The following CEP250 variants were observed in gnomAD, a reference collection of about 807,000 sequenced individuals.
CEP250 encodes centrosome-associated protein CEP250.
Under a neutral mutation model 315.7 loss-of-function variants are expected in CEP250, and 242 were observed. The ratio of observed to expected loss-of-function variants is 0.77; its 90% CI spans 0.69 to 0.85. CEP250 has a LOEUF of 0.85. CEP250 is among the 40% of genes least tolerant of loss of function. The pLI, the probability that CEP250 is intolerant of heterozygous loss-of-function variation, is 0.00. For synonymous variants in CEP250, 1,088 were observed against 1,175.0 expected, an observed-to-expected ratio of 0.93 and a Z score of 1.51; for missense variants, 2,515 against 2,886.4, an observed-to-expected ratio of 0.87 and a Z score of 2.95.
At chr20:35,490,863 ACTTC>A in intron 21 of CEP250, 59 bp downstream of exon 21, 1 of 1,575,082 alleles carries the variant, frequency 6.3e-7, no homozygotes, top group Admixed American at 1.8e-5. Flanking sequence ...TACCTTGACC[ACTTC>A]CTTTTCTACT....
Position 35,496,563 on chromosome 20 carries a change from C to T in CEP250, c.3168-14C>T. ...TAAGAGAATGGCCCAGCACTCTGAC[C>T]CCTCTCTTTTTAGCCTGACTCTCTC... On this transcript the variant is annotated splice_polypyrimidine_tract_variant and intron_variant, in intron 24 of 34. Coordinates refer to ENST00000397527, the MANE Select transcript of CEP250 (RefSeq NM_007186.6). The T allele has an allele frequency of 6.2e-7, 1 of 1,612,136 alleles. No homozygotes were observed.
At chr20:35,478,243 T>C (rs1057207657) in intron 17 of CEP250, 142 bp downstream of exon 17, 8 of 657,896 alleles carry the variant, frequency 1.2e-5, no homozygotes, top group Non-Finnish European at 2.1e-5. Flanking sequence ...GCAGTATATC[T>C]TCCAATTTTA....
rs76891244 is a variant in CEP250, at chr20:35,504,676, C to G, written c.6307C>G (p.Leu2103Val). 179 of 1,614,172 alleles carry G rather than the reference C, an allele frequency of 1.1e-4. No homozygotes were observed. Among genetic ancestry groups the G allele is most frequent in the Non-Finnish European group, 1.4e-4 (169 of 1,180,026 alleles). ...HQSVRELQLT[L>V]AQKEQEILEL... ...GAGTGTAAGGGAGCTACAGCTGACTCTAGCCCAAAAGGAACAGGAGATTCT... is the reference window on the plus strand; with the variant it reads ...GAGTGTAAGGGAGCTACAGCTGACTGTAGCCCAAAAGGAACAGGAGATTCT... The change falls in exon 30 of 35, where the codon CTA (leucine) becomes GTA (valine). Residue 2103 changes from leucine to valine, a missense_variant. Leu to Val is a conservative substitution (Grantham distance 32). Transcript: ENST00000397527.
intron 20 of CEP250, among the ~76,000 whole-genome samples, chr20:35,487,453 G>C (rs139415356): frequency 1.3e-5 from 2 of 151,904 alleles, no homozygotes; most frequent in Non-Finnish European, 2.9e-5. Flanking sequence ...CTGGGCAACA[G>C]AGTGAGACTC....
intron 16 of CEP250, 103 bp from the exon 17 acceptor site, chr20:35,477,768 G>A (rs2063214529): frequency 2.2e-6 from 2 of 905,044 alleles, no homozygotes; most frequent in Non-Finnish European, 3.4e-6. Context: ...TTCATCTTTG[G>A]AGAATAGATT....
At position 35,504,093 on chromosome 20, in the gene CEP250, G is replaced by A; in HGVS notation, c.5724G>A (p.Gln1908=). The A allele has an allele frequency of 6.2e-7, 1 of 1,610,664 alleles. No individual in the cohort carries two copies. The highest frequency in any genetic ancestry group is 1.3e-5 in the African/African-American group (1 of 74,938). The change falls in exon 30 of 35, where the codon CAG becomes CAA. Residue 1908 remains glutamine, a synonymous_variant. Coordinates refer to ENST00000397527, the MANE Select transcript of CEP250 (RefSeq NM_007186.6). ...AGAAAGCTCTGTTGGCCCTCCAGCA[G>A]CAGTGTGCTGAGCAGGCACAGGAGC... ...EQEKALLALQ[Q]QCAEQAQEHE...
intron 9 of CEP250, among the ~76,000 whole-genome samples, chr20:35,467,934 AT>A (rs2062928203): frequency 6.9e-6 from 1 of 145,106 alleles, no homozygotes; most frequent in East Asian, 2.0e-4. Context: ...CATAGTTCAA[AT>A]ATTACCTCTT....
Position 35,504,082 on chromosome 20 carries a change from G to A in CEP250, c.5713G>A (p.Ala1905Thr), listed in dbSNP as rs1178488619. 1 of 1,608,202 alleles carries A rather than the reference G, an allele frequency of 6.2e-7. No individual in the cohort carries two copies. Among genetic ancestry groups the A allele is most frequent in the African/African-American group, 1.3e-5 (1 of 74,844 alleles). Residue 1905 changes from alanine (A) to threonine (T), a missense_variant, in exon 30 of 35, where the codon GCC (alanine) becomes ACC (threonine). By Grantham distance (58) the Ala-to-Thr change is moderately conservative. Coordinates refer to ENST00000397527, the MANE Select transcript of CEP250 (RefSeq NM_007186.6). ...TCGGGAACAGGAGAAAGCTCTGTTG[G>A]CCCTCCAGCAGCAGTGTGCTGAGCA... ...ESREQEKALL[A>T]LQQQCAEQAQ...
At chr20:35,508,272 T>G in intron 32 of CEP250, 82 bp downstream of exon 32, 1 of 1,453,094 alleles carries the variant, frequency 6.9e-7, no homozygotes, top group Non-Finnish European at 9.4e-7. Flanking sequence ...AATTACAGCC[T>G]GTGGGCCAAA....
At chr20:35,459,663 C>T (rs983365724) in intron 2 of CEP250, among the ~76,000 whole-genome samples, 19 of 151,432 alleles carry the variant, frequency 1.3e-4, no homozygotes, top group African/African-American at 4.6e-4. Flanking sequence ...ACATCTTCAG[C>T]TCCTCTGAAG....
intron 27 of CEP250, 29 bp from the exon 28 acceptor site, chr20:35,500,020 C>A: frequency 6.2e-7 from 1 of 1,613,502 alleles, no homozygotes; most frequent in South Asian, 1.1e-5. Flanking sequence ...ATGAGGAACT[C>A]ACGTTTAGCC....
rs572137274 is a variant in CEP250, at chr20:35,460,525, C to T, written c.-104+420C>T. ...GCACTATACAACTGTGCAGAGCACA[C>T]GCCCTGTCTAAAGGAGACAGGCGCT... On this transcript the variant is annotated intron_variant, in intron 3 of 34. Transcript: ENST00000397527. Among the ~76,000 whole-genome samples, 10 of 152,152 alleles carry T rather than the reference C, an allele frequency of 6.6e-5. No individual in the cohort carries two copies. In the South Asian group the frequency reaches 1.9e-3, roughly 28 times the overall value.
chr20:35,511,392 G>A lies in CEP250; in HGVS notation c.7095G>A (p.Leu2365=). 3 of 1,610,916 alleles carry A rather than the reference G, an allele frequency of 1.9e-6. No homozygotes were observed. Among genetic ancestry groups the A allele is most frequent in the Non-Finnish European group, 2.5e-6 (3 of 1,178,022 alleles). ...TCCTGCTGCAAGCTCAGCTGACTTT[G>A]GAGCGGAAGCAGAAGCAGGACTACA... ...EVVLLQAQLT[L]ERKQKQDYIT... is the part of the protein sequence containing the mutation. Residue 2365 remains leucine (L), a synonymous_variant, in exon 35 of 35, where the codon TTG becomes TTA. Transcript: ENST00000397527.
intron 20 of CEP250, among the ~76,000 whole-genome samples, chr20:35,482,783 A>G (rs897709578): frequency 6.2e-5 from 9 of 146,140 alleles, no homozygotes; most frequent in Non-Finnish European, 1.1e-4. Flanking sequence ...GCTGGTCTCA[A>G]ACTCCTGGGC....
At chr20:35,455,494 A>G (rs1464348105), upstream of CEP250, 1 of 152,276 alleles carries the variant, frequency 6.6e-6, no homozygotes. Context: ...CGTGTCCAGT[A>G]GCCGCAATCC....
intron 1 of CEP250, among the ~76,000 whole-genome samples, chr20:35,457,173 A>G (rs1483258328): frequency 1.3e-5 from 2 of 152,170 alleles, no homozygotes; most frequent in Non-Finnish European, 2.9e-5. Context: ...ATGTCCTATA[A>G]TAGTCAGTAA....
In CEP250 at chr20:35,503,900, A is replaced by G. The variant is rs777012903; in HGVS notation, c.5531A>G (p.Gln1844Arg). ...GTGAAGGAAAAGGCAGACGCCCTCC[A>G]GGGAGCTCTGGAGCAAGCCCATATG... ...ERVKEKADALQGALEQAHMTL... is the reference protein window; with the variant it reads ...ERVKEKADALRGALEQAHMTL... Residue 1844 changes from glutamine to arginine, a missense_variant, in exon 30 of 35, where the codon CAG becomes CGG. Gln to Arg is a conservative substitution (Grantham distance 43, BLOSUM62 1). Transcript: ENST00000397527. The surrounding 1 kb of genome is among the most constrained non-coding windows in gnomAD (Gnocchi z 4.2). The G allele has an allele frequency of 5.0e-6, 8 of 1,613,850 alleles. No individual in the cohort carries two copies. In the Admixed American group the frequency reaches 1.0e-4, roughly 20 times the overall value.
chr20:35,470,673 A>C (rs1040947153), intron 10 of CEP250, among the ~76,000 whole-genome samples: 2 of 152,198 alleles, frequency 1.3e-5, no homozygotes, highest in African/African-American at 4.8e-5. Context: ...GAATCACTTG[A>C]ACCTGGGAGG....
At position 35,469,961 on chromosome 20, in the gene CEP250, C is replaced by T. The variant is rs2062983925; in HGVS notation, c.923C>T (p.Ala308Val). 1.2e-6 allele frequency: 2 copies of T among 1,613,330 alleles called. No individual in the cohort carries two copies. Among genetic ancestry groups the T allele is most frequent in the Non-Finnish European group, 8.5e-7 (1 of 1,179,424 alleles). ...QNEDYEKMIKALRETVEILET... is the reference protein window; with the variant it reads ...QNEDYEKMIKVLRETVEILET... ...GAAGATTATGAAAAGATGATAAAGG[C>T]TCTGAGAGAGACAGTGGAGATCCTG... The change falls in exon 10 of 35, where the codon GCT becomes GTT. Residue 308 changes from alanine to valine, a missense_variant. Transcript: ENST00000397527.
Sources: allele counts gnomAD v4.1 joint callset (sites outside exome capture counted in the v4.1 genomes callset), GRCh38; gene constraint gnomAD v4.1.1; non-coding constraint Gnocchi (gnomAD v3.1); transcripts MANE v1.5; gene names NCBI Gene and HGNC (gene_info 2026-07-23, HGNC 2026-07-21).